Variants in ENOX2 observed in about 807,000 individuals in gnomAD.
ENOX2 encodes the protein APK1 antigen.
A neutral mutation model predicts 45.0 loss-of-function variants in ENOX2; 36 were observed. The ratio of observed to expected loss-of-function variants is 0.80; its 90% confidence interval spans 0.61 to 1.06. The LOEUF is 1.06. Ranked by LOEUF, ENOX2 falls within the 50% of genes least tolerant of loss-of-function variation. The probability of loss-of-function intolerance (pLI) is 0.00; values close to 1 mark genes in which losing one functional copy is unlikely to be tolerated. For missense variants in ENOX2, 423 were observed against 462.5 expected (o/e 0.91, Z 0.78); for synonymous variants, 174 against 152.3 (o/e 1.14, Z -1.05).
intron 2 of ENOX2, among the ~76,000 whole-genome samples, chrX:130,808,278 T>C (rs1458038565): frequency 3.6e-5 from 4 of 112,136 alleles, no homozygotes; most frequent in African/African-American, 9.7e-5. Flanking sequence ...TTTGTCCAAA[T>C]ACAGGAAGTA....
intron 2 of ENOX2, among the ~76,000 whole-genome samples, chrX:130,815,659 T>G (rs2077470747): frequency 8.9e-6 from 1 of 111,824 alleles, no homozygotes; most frequent in Admixed American, 9.4e-5. Flanking sequence ...GCTTCATAAG[T>G]GAAGGAGAAA....
chrX:130,788,223 A>G (rs1341854902), intron 2 of ENOX2, among the ~76,000 whole-genome samples: 2 of 112,457 alleles, frequency 1.8e-5, no homozygotes, highest in Non-Finnish European at 3.8e-5. Flanking sequence ...TGAAATTTCA[A>G]TTATGACATA....
intron 2 of ENOX2, among the ~76,000 whole-genome samples, chrX:130,794,745 C>T (rs1397698872): frequency 8.9e-6 from 1 of 112,293 alleles, no homozygotes; most frequent in African/African-American, 3.2e-5. Flanking sequence ...TACTGGTATC[C>T]TTTAAGACTG....
chrX:130,679,706 T>C lies in ENOX2; in HGVS notation c.296A>G (p.Lys99Arg). The change falls in exon 6 of 15, where the codon AAA becomes AGA. Residue 99 changes from lysine (K) to arginine (R), a missense_variant. Transcript: ENST00000394363. ...AGGCAGACCACCCACAAATACTGTTTTGCATCCTGGTGGTCTTTCTCGGGT... is the reference window on the plus strand; with the variant it reads ...AGGCAGACCACCCACAAATACTGTTCTGCATCCTGGTGGTCTTTCTCGGGT... ...PATRERPPGC[K>R]TVFVGGLPEN... The C allele has an allele frequency of 3.3e-6, 4 of 1,211,672 alleles. No homozygotes were observed. The highest frequency in any genetic ancestry group is 4.5e-6 in the Non-Finnish European group (4 of 895,185).
chrX:130,798,976 A>G (rs897565610), intron 2 of ENOX2, among the ~76,000 whole-genome samples: 3 of 112,583 alleles, frequency 2.7e-5, no homozygotes, highest in Non-Finnish European at 5.6e-5. Flanking sequence ...ATGCAAAGGC[A>G]CAGTTAAGTG....
intron 3 of ENOX2, among the ~76,000 whole-genome samples, chrX:130,780,756 G>A (rs936082910): frequency 7.2e-5 from 8 of 111,521 alleles, no homozygotes; most frequent in Non-Finnish European, 1.5e-4. Context: ...AGAGGTAGGA[G>A]GGTTGGGAAA....
Position 130,670,198 on chromosome X carries a change from C to A in ENOX2, c.461G>T (p.Gly154Val). The part of the protein sequence containing the change: ...YMVDKALYLS[G>V]YRIRLGSSTD... Reference sequence around the variant, plus strand: ...ACTAGAGCCCAGGCGAATGCGGTAACCTAAGTCCACAGGAGGGTGAAAGGG... The same window carrying A: ...ACTAGAGCCCAGGCGAATGCGGTAAACTAAGTCCACAGGAGGGTGAAAGGG... The change falls in exon 7 of 15, where the codon GGT becomes GTT. Residue 154 changes from glycine to valine, a missense_variant and splice_region_variant. Physicochemically the swap from Gly to Val is moderately radical, Grantham distance 109 (BLOSUM62 -3). Transcript: ENST00000394363. 8.5e-7 allele frequency: 1 copy of A among 1,181,880 alleles called. No homozygotes were observed. The highest frequency in any genetic ancestry group is 1.1e-6 in the Non-Finnish European group (1 of 869,872).
At chrX:130,640,857 C>A (rs1007519751) in intron 10 of ENOX2, among the ~76,000 whole-genome samples, 1 of 111,097 alleles carries the variant, frequency 9.0e-6, no homozygotes, top group African/African-American at 3.3e-5. Flanking sequence ...CACAATGGCA[C>A]GCATTTAGCT....
At chrX:130,688,016 C>G (rs2037492116) in intron 5 of ENOX2, among the ~76,000 whole-genome samples, 1 of 112,048 alleles carries the variant, frequency 8.9e-6, no homozygotes, top group Admixed American at 9.4e-5. Flanking sequence ...CTGAATGTAT[C>G]TCTTAACAAA....
chrX:130,882,576 A>C (rs1425679596), intron 2 of ENOX2, among the ~76,000 whole-genome samples: 1 of 111,821 alleles, frequency 8.9e-6, no homozygotes, highest in African/African-American at 3.3e-5. Flanking sequence ...ATTATGAAAG[A>C]GACCTTAAAA....
At chrX:130,813,139 G>A (rs1253749481) in intron 2 of ENOX2, among the ~76,000 whole-genome samples, 1 of 111,772 alleles carries the variant, frequency 8.9e-6, no homozygotes, top group Non-Finnish European at 1.9e-5. Context: ...CTGGTCCCAA[G>A]CATTTTAGAT....
chrX:130,718,413 C>T (rs2038385815), intron 3 of ENOX2, among the ~76,000 whole-genome samples: 1 of 111,449 alleles, frequency 9.0e-6, no homozygotes, highest in African/African-American at 3.3e-5. Flanking sequence ...TATTTGCTGG[C>T]TATGTAACTT....
At chrX:130,631,296 T>C (rs1429282481) in intron 13 of ENOX2, among the ~76,000 whole-genome samples, 172 bp downstream of exon 13, 1 of 111,968 alleles carries the variant, frequency 8.9e-6, no homozygotes, top group African/African-American at 3.2e-5. Context: ...GCAGCTGCTG[T>C]TAAATTTGGA....
intron 2 of ENOX2, among the ~76,000 whole-genome samples, chrX:130,893,100 G>C (rs1008218695): frequency 8.9e-6 from 1 of 112,241 alleles, no homozygotes; most frequent in Non-Finnish European, 1.9e-5. Flanking sequence ...ATATAGAAAA[G>C]TATAAAGCAA....
intron 3 of ENOX2, among the ~76,000 whole-genome samples, chrX:130,738,504 C>T (rs1422292806): frequency 1.8e-5 from 2 of 112,099 alleles, no homozygotes; most frequent in Non-Finnish European, 3.8e-5. Flanking sequence ...TTGACTAAGT[C>T]ACTTCCTCTC....
At chrX:130,832,436 C>CACAT (rs780015487) in intron 2 of ENOX2, among the ~76,000 whole-genome samples, 1 of 78,851 alleles carries the variant, frequency 1.3e-5, no homozygotes, top group Non-Finnish European at 2.2e-5. Context: ...CACACACACA[C>CACAT]ACATACACAC....
At chrX:130,845,187 A>G (rs1382390606) in intron 2 of ENOX2, among the ~76,000 whole-genome samples, 3 of 112,144 alleles carry the variant, frequency 2.7e-5, no homozygotes, top group African/African-American at 9.7e-5. Context: ...CAGGCAGCCA[A>G]TGTATTTTTC....
intron 2 of ENOX2, among the ~76,000 whole-genome samples, chrX:130,830,566 CT>C (rs2077804410): frequency 8.9e-6 from 1 of 112,139 alleles, no homozygotes; most frequent in Non-Finnish European, 1.9e-5. Context: ...AAATCCCATC[CT>C]TTCTTGCTGC....
intron 3 of ENOX2, among the ~76,000 whole-genome samples, chrX:130,703,493 C>T (rs1369604413): frequency 1.8e-5 from 2 of 108,297 alleles, no homozygotes; most frequent in African/African-American, 6.9e-5. Context: ...GTGTTTCCTT[C>T]CTTCTCTCCC....
Sources: gnomAD v4.1 joint callset for allele counts (sites outside exome capture counted in the v4.1 genomes callset) on GRCh38, gnomAD v4.1.1 for gene constraint, MANE v1.5 for transcripts, NCBI Gene and HGNC (gene_info 2026-07-23, HGNC 2026-07-21) for gene names.